The following ABLIM1 variants were observed in gnomAD, a reference collection of about 807,000 sequenced individuals.
ABLIM1 encodes the protein actin binding LIM protein 1.
In ABLIM1, 40 loss-of-function variants were observed where a neutral mutation model predicts 107.0. The observed-to-expected ratio is 0.37, with a 90% CI of 0.29 to 0.49. ABLIM1 has a LOEUF of 0.49. Ranked by LOEUF, ABLIM1 falls within the 20% of genes least tolerant of loss-of-function variation. The pLI is 0.97. For synonymous variants in ABLIM1, 357 were observed against 357.3 expected (o/e 1.00, Z 0.01); for missense variants, 857 against 1,008.5 (o/e 0.85, Z 2.04).
At chr10:114,769,857 T>C (rs1248190317), upstream of ABLIM1, among the ~76,000 whole-genome samples, 8 of 152,316 alleles carry the variant, frequency 5.3e-5, no homozygotes, top group East Asian at 1.5e-3. Flanking sequence ...AATCAACTCA[T>C]TATTTATCCA....
At chr10:114,643,857 C>T (rs12220330) in intron 1 of ABLIM1, among the ~76,000 whole-genome samples, 53,196 of 151,842 alleles carry the variant, frequency 0.35, 10,705 homozygotes, top group Non-Finnish European at 0.46. Context: ...ATTACAGGTG[C>T]GAGTCACTGA....
intron 1 of ABLIM1, among the ~76,000 whole-genome samples, chr10:114,767,571 G>A (rs2082926931): frequency 6.6e-6 from 1 of 151,682 alleles, no homozygotes; most frequent in African/African-American, 2.4e-5. Flanking sequence ...GTGGGGAGTG[G>A]AAGGGGAGAT....
intron 6 of ABLIM1, among the ~76,000 whole-genome samples, chr10:114,535,961 C>T (rs2065954569): frequency 6.6e-6 from 1 of 152,042 alleles, no homozygotes; most frequent in South Asian, 2.1e-4. Context: ...GATGGTGGTC[C>T]TGGAACCAAT....
intron 1 of ABLIM1, chr10:114,632,360 G>C (rs1398031689): frequency 1.0e-6 from 1 of 985,304 alleles, no homozygotes; most frequent in South Asian, 4.7e-5. Context: ...GGAGGACCGA[G>C]CACCAGCTAG....
At chr10:114,674,289 C>CAAAAA (rs58116385) in intron 1 of ABLIM1, among the ~76,000 whole-genome samples, 2 of 84,582 alleles carry the variant, frequency 2.4e-5, no homozygotes, top group African/African-American at 7.4e-5. Context: ...GACTCTGTCA[C>CAAAAA]AAAAAAAAAA....
In ABLIM1 at chr10:114,436,407, C is replaced by T. The variant is rs373834099; in HGVS notation, c.2224-34G>A. The T allele has an allele frequency of 4.0e-6, 6 of 1,503,382 alleles. No individual in the cohort carries two copies. The African/African-American group carries it at 8.4e-5, about 21-fold the overall frequency. The allele number at this position is 1,503,382 out of a possible 1,614,324, so 93.1% of individuals were successfully genotyped here. A position where few individuals can be genotyped will look rare whatever the true frequency, so the allele number is the denominator to read the frequency against. ...AAGAAAAAAAAAAAAGAGCTGCTGT[C>T]AGTCCTGATGGCCACACAAATGGCC... On this transcript the variant is annotated intron_variant, in intron 22 of 22. Transcript: ENST00000533213.
chr10:114,618,424 T>G (rs75558450), intron 1 of ABLIM1, among the ~76,000 whole-genome samples: 1 of 152,302 alleles, frequency 6.6e-6, no homozygotes, highest in Non-Finnish European at 1.5e-5. Context: ...AACCTCCTGA[T>G]GTGGAGAGAA....
chr10:114,492,658 C>A (rs1409741243), intron 6 of ABLIM1, among the ~76,000 whole-genome samples: 1 of 152,162 alleles, frequency 6.6e-6, no homozygotes, highest in Non-Finnish European at 1.5e-5. Flanking sequence ...TCGTTCACAG[C>A]CTAGCAAAAA....
chr10:114,512,786 C>T (rs1233560935), intron 6 of ABLIM1, among the ~76,000 whole-genome samples: 1 of 147,854 alleles, frequency 6.8e-6, no homozygotes, highest in Non-Finnish European at 1.5e-5. Context: ...GATCGTGCCA[C>T]TGCATTCCAG....
chr10:114,437,693 CA>C, intron 22 of ABLIM1, 150 bp downstream of exon 22: 1 of 646,344 alleles, frequency 1.5e-6, no homozygotes, highest in Non-Finnish European at 2.7e-6. Flanking sequence ...TTTTTTTCTC[CA>C]AAGTTATTTC....
intron 6 of ABLIM1, among the ~76,000 whole-genome samples, chr10:114,538,893 G>A (rs910800488): frequency 4.6e-5 from 7 of 152,370 alleles, no homozygotes; most frequent in Non-Finnish European, 2.9e-5. Context: ...GAGAGGCCAA[G>A]AGAAAGTCAA....
intron 8 of ABLIM1, among the ~76,000 whole-genome samples, chr10:114,478,526 C>T (rs938353126): frequency 2.0e-5 from 3 of 152,180 alleles, no homozygotes; most frequent in Non-Finnish European, 4.4e-5. Context: ...AGAAGTCTCA[C>T]GAGACCTGGT....
intron 1 of ABLIM1, among the ~76,000 whole-genome samples, chr10:114,608,609 T>G (rs1340576499): frequency 6.6e-6 from 1 of 150,680 alleles, no homozygotes; most frequent in African/African-American, 2.4e-5. Flanking sequence ...GCGGAGGTTG[T>G]GGTGAGCCGA....
At chr10:114,728,592 C>A (rs74158046) in intron 1 of ABLIM1, among the ~76,000 whole-genome samples, 103 of 125,254 alleles carry the variant, frequency 8.2e-4, no homozygotes, top group East Asian at 2.1e-3. Flanking sequence ...AATGGAGAGC[C>A]AAAAAAAAAA....
intron 1 of ABLIM1, among the ~76,000 whole-genome samples, chr10:114,655,324 C>A (rs956318979): frequency 1.3e-5 from 2 of 152,194 alleles, no homozygotes; most frequent in African/African-American, 4.8e-5. Context: ...ACTGTTAATT[C>A]TCTTGTTCCC....
chr10:114,496,487 T>A (rs1590439269), intron 6 of ABLIM1, among the ~76,000 whole-genome samples: 1 of 139,598 alleles, frequency 7.2e-6, no homozygotes, highest in South Asian at 2.2e-4. Context: ...CAACACACAC[T>A]GGAGCCTGTT....
the ABLIM1 span, among the ~76,000 whole-genome samples, chr10:114,776,594 T>C: frequency 5.9e-5 from 9 of 152,028 alleles, no homozygotes; most frequent in African/African-American, 1.9e-4. Context: ...GCCTGGGCAA[T>C]AGAGCAAGAC....
chr10:114,575,652 C>T (rs2072425650), intron 2 of ABLIM1, 53 bp from the exon 3 acceptor site: 1 of 1,565,014 alleles, frequency 6.4e-7, no homozygotes, highest in African/African-American at 1.3e-5. Flanking sequence ...TGCCGGGCAG[C>T]ACTGCCTTTG....
intron 1 of ABLIM1, among the ~76,000 whole-genome samples, chr10:114,736,705 G>A (rs529796855): frequency 1.8e-4 from 28 of 152,096 alleles, no homozygotes; most frequent in Non-Finnish European, 3.1e-4. Flanking sequence ...TTTAAAACCC[G>A]ATGTAATGCA....
Sources: allele counts gnomAD v4.1 joint callset (sites outside exome capture counted in the v4.1 genomes callset), GRCh38; gene constraint gnomAD v4.1.1; transcripts MANE v1.5; gene names NCBI Gene and HGNC (gene_info 2026-07-23, HGNC 2026-07-21).